CD38: variants seen among roughly 807,000 people sequenced by gnomAD.
The protein encoded by CD38 is CD38 molecule.
Under a neutral mutation model 36.3 loss-of-function variants are expected in CD38, and 31 were observed. The observed-to-expected ratio is 0.85, with a 90% confidence interval of 0.64 to 1.15. The LOEUF (loss-of-function observed/expected upper bound fraction) is 1.15, where lower values mean the gene tolerates loss of function less well. Ranked by LOEUF, CD38 falls within the 50% of genes most tolerant of loss-of-function variation. The pLI is 0.00. For missense variants in CD38, 380 were observed against 371.9 expected (o/e 1.02, Z -0.18); for synonymous variants, 131 against 135.2 (o/e 0.97, Z 0.22).
intron 4 of CD38, among the ~76,000 whole-genome samples, chr4:15,837,870 T>C (rs1223384834): frequency 7.2e-5 from 11 of 152,236 alleles, no homozygotes; most frequent in Non-Finnish European, 1.0e-4. Flanking sequence ...ACACTGAACA[T>C]TGTTCACTTA....
chr4:15,793,718 A>G (rs1034616653), intron 1 of CD38, among the ~76,000 whole-genome samples: 6 of 152,196 alleles, frequency 3.9e-5, no homozygotes, highest in African/African-American at 1.4e-4. Context: ...CTCTTTAGTG[A>G]TTCAGATAAG....
intron 4 of CD38, among the ~76,000 whole-genome samples, chr4:15,836,548 A>G (rs1724073377): frequency 6.6e-6 from 1 of 152,178 alleles, no homozygotes; most frequent in Non-Finnish European, 1.5e-5. Context: ...AGTGTGACAA[A>G]TCCCTACATT....
intron 1 of CD38, among the ~76,000 whole-genome samples, chr4:15,788,394 C>T (rs906900239): frequency 9.9e-5 from 15 of 152,066 alleles, no homozygotes; most frequent in African/African-American, 1.2e-4. Context: ...ACACGTTATC[C>T]GCCCCCAGGA....
chr4:15,829,020 G>C (rs556583912), intron 3 of CD38, among the ~76,000 whole-genome samples: 1 of 152,112 alleles, frequency 6.6e-6, no homozygotes, highest in African/African-American at 2.4e-5. Flanking sequence ...CTTCTGACAG[G>C]TGTGAGATGA....
intron 3 of CD38, 68 bp downstream of exon 3, chr4:15,825,084 G>C: frequency 6.7e-7 from 1 of 1,500,086 alleles, no homozygotes; most frequent in Non-Finnish European, 9.0e-7. Context: ...TCTGCTGGAG[G>C]CCCTGAATGA....
intron 1 of CD38, among the ~76,000 whole-genome samples, chr4:15,815,561 G>A (rs1322240674): frequency 1.3e-5 from 2 of 151,942 alleles, no homozygotes; most frequent in Non-Finnish European, 2.9e-5. Flanking sequence ...TTGGCTCTCT[G>A]CTTGTCTATT....
At chr4:15,793,371 T>C (rs1380992342) in intron 1 of CD38, among the ~76,000 whole-genome samples, 1 of 152,150 alleles carries the variant, frequency 6.6e-6, no homozygotes, top group African/African-American at 2.4e-5. Context: ...TTATTTAACA[T>C]GTTAATTTTA....
intron 1 of CD38, among the ~76,000 whole-genome samples, chr4:15,793,995 A>G (rs1001873197): frequency 2.6e-5 from 4 of 152,228 alleles, no homozygotes; most frequent in African/African-American, 9.6e-5. Flanking sequence ...TCCCTTATCT[A>G]GGGTTTCACT....
At chr4:15,841,452 C>A (rs1369552208) in intron 7 of CD38, among the ~76,000 whole-genome samples, 4 of 152,164 alleles carry the variant, frequency 2.6e-5, no homozygotes, top group African/African-American at 4.8e-5. Context: ...TTGCTTCTAT[C>A]TGGAAACAGC....
chr4:15,781,432 TAGAG>T (rs1187506085), intron 1 of CD38, among the ~76,000 whole-genome samples: 2 of 152,184 alleles, frequency 1.3e-5, no homozygotes, highest in African/African-American at 2.4e-5. Flanking sequence ...AATACATTAA[TAGAG>T]AGAAAGAGAT....
intron 1 of CD38, among the ~76,000 whole-genome samples, chr4:15,808,121 C>T (rs1041697983): frequency 7.2e-5 from 11 of 152,132 alleles, no homozygotes; most frequent in Admixed American, 1.3e-4. Flanking sequence ...TAGTGTGATT[C>T]TGGGTGTGTT....
At chr4:15,839,976 T>C in intron 5 of CD38, 50 bp from the exon 6 acceptor site, 1 of 1,273,990 alleles carries the variant, frequency 7.8e-7, no homozygotes, top group Non-Finnish European at 1.1e-6. Context: ...GGGGTGTGGA[T>C]GCTTTCGTTT....
chr4:15,830,288 G>C (rs986541884), intron 3 of CD38, among the ~76,000 whole-genome samples: 5 of 152,126 alleles, frequency 3.3e-5, no homozygotes, highest in Non-Finnish European at 7.4e-5. Flanking sequence ...AGCCATTTTA[G>C]CTGGGGTGAG....
At chr4:15,786,938 G>C (rs972843392) in intron 1 of CD38, among the ~76,000 whole-genome samples, 18 of 152,258 alleles carry the variant, frequency 1.2e-4, no homozygotes, top group African/African-American at 4.3e-4. Context: ...GGCCAGCACT[G>C]CTGGGGGACT....
At chr4:15,823,800 A>G (rs1295535507) in intron 2 of CD38, among the ~76,000 whole-genome samples, 2 of 152,198 alleles carry the variant, frequency 1.3e-5, no homozygotes, top group Non-Finnish European at 2.9e-5. Context: ...TGACCCAGCA[A>G]TCCCATTACT....
chr4:15,791,628 G>A lies in CD38; in HGVS notation c.233+12981G>A, dbSNP rs1210584894. Among the ~76,000 whole-genome samples, 379 of 51,934 alleles carry A rather than the reference G, an allele frequency of 7.3e-3. 1 individual carries two copies. Among genetic ancestry groups the A allele is most frequent in the Non-Finnish European group, 8.8e-3 (224 of 25,540 alleles). The allele number at this position is 51,934 out of a possible 152,430, so 34.1% of individuals were successfully genotyped here. Reference sequence around the variant, plus strand: ...GCCGCCCCGTCCGGGAGGGAGGTGGGGGGGTCAGCCCCCTGCCCGGCCAGC... The same window carrying A: ...GCCGCCCCGTCCGGGAGGGAGGTGGAGGGGTCAGCCCCCTGCCCGGCCAGC... On this transcript the variant is annotated intron_variant, in intron 1 of 7. Transcript: ENST00000226279.
At chr4:15,803,946 T>G (rs1422412223) in intron 1 of CD38, among the ~76,000 whole-genome samples, 1 of 152,228 alleles carries the variant, frequency 6.6e-6, no homozygotes, top group Non-Finnish European at 1.5e-5. Context: ...GATAATGGCC[T>G]CCAGCTGCAT....
intron 3 of CD38, among the ~76,000 whole-genome samples, chr4:15,828,611 A>G (rs184421650): frequency 1.4e-3 from 211 of 152,176 alleles, no homozygotes; most frequent in African/African-American, 4.8e-3. Context: ...TACTTAGCAT[A>G]TTGTTTTCTT....
rs71179666 is a variant in CD38, at chr4:15,847,595, C to CAAAAAAA, written c.840-922_840-916dup. Among the ~76,000 whole-genome samples the CAAAAAAA allele has an allele frequency of 2.3e-3, 88 of 38,170 alleles. 13 individuals are homozygous for CAAAAAAA. The highest frequency in any genetic ancestry group is 0.016 in the East Asian group (8 of 516). The allele number at this position is 38,170 out of a possible 152,430, so 25.0% of individuals were successfully genotyped here. A position where few individuals can be genotyped will look rare whatever the true frequency, so the allele number is the denominator to read the frequency against. ...AAAAATAAAAAACAACTCTCAGAAG[C>CAAAAAAA]AAAAAAAAAAAAAAAAAAAAAAAAA... is the stretch of plus-strand genomic sequence containing the variant. On this transcript the variant is annotated intron_variant, in intron 7 of 7. Coordinates refer to ENST00000226279, the MANE Select transcript of CD38 (RefSeq NM_001775.4).
Sources: gnomAD v4.1 joint callset for allele counts (sites outside exome capture counted in the v4.1 genomes callset) on GRCh38, gnomAD v4.1.1 for gene constraint, MANE v1.5 for transcripts, NCBI Gene and HGNC (gene_info 2026-07-23, HGNC 2026-07-21) for gene names.